The following IL2RB variants were observed in gnomAD, a reference collection of about 807,000 sequenced individuals.
IL2RB encodes the protein interleukin 2 receptor subunit beta, also known as interleukin-2 receptor subunit beta.
In IL2RB, 17 loss-of-function variants were observed where a neutral mutation model predicts 44.2. The observed-to-expected ratio is 0.38, with a 90% CI of 0.26 to 0.58. The LOEUF (loss-of-function observed/expected upper bound fraction) is 0.58, where lower values mean the gene tolerates loss of function less well. IL2RB is among the 20% of genes least tolerant of loss of function. IL2RB has a pLI of 0.63. For synonymous variants in IL2RB, 286 were observed against 297.9 expected (o/e 0.96, Z 0.41); for missense variants, 624 against 685.5 (o/e 0.91, Z 1.00).
At chr22:37,168,763 G>A (rs1218170534) in intron 1 of IL2RB, among the ~76,000 whole-genome samples, 1 of 152,226 alleles carries the variant, frequency 6.6e-6, no homozygotes, top group Non-Finnish European at 1.5e-5. Context: ...CCAAGGCACA[G>A]ACTAGGTGGC....
At chr22:37,157,565 G>A (rs1458154382) in intron 1 of IL2RB, among the ~76,000 whole-genome samples, 1 of 152,162 alleles carries the variant, frequency 6.6e-6, no homozygotes, top group Non-Finnish European at 1.5e-5. Context: ...GACTGAGGGG[G>A]GTTTCCAGAA....
rs1569043402 is a variant in IL2RB at position 37,136,383 on chromosome 22, A to C, written c.548T>G (p.Leu183Arg). Residue 183 changes from leucine to arginine, a missense_variant, in exon 7 of 10, where the codon CTG becomes CGG. Around this residue, in one of 3 missense-constraint regions of IL2RB, gnomAD observed 255 missense variants for 339.9 expected, o/e 0.75. Coordinates refer to ENST00000216223, the MANE Select transcript of IL2RB (RefSeq NM_000878.5). ...SPGHTWEEAP[L>R]LTLKQKQEWI... ...TTCCTGCTTCTGCTTGAGAGTCAGC[A>C]GGGGGGCCTCCTGGGTCGGAGACAG... 3 of 1,609,590 alleles carry C rather than the reference A, an allele frequency of 1.9e-6. No individual in the cohort carries two copies. The highest frequency in any genetic ancestry group is 1.1e-5 in the South Asian group (1 of 90,296).
rs1245550116 is a variant in IL2RB at position 37,142,462 on chromosome 22, G to T, written c.254C>A (p.Ala85Asp). 1 of 1,614,150 alleles carries T rather than the reference G, an allele frequency of 6.2e-7. No individual in the cohort carries two copies. Among genetic ancestry groups the T allele is most frequent in the Non-Finnish European group, 8.5e-7 (1 of 1,179,970 alleles). Residue 85 changes from alanine to aspartate, a missense_variant, in exon 4 of 10, where the codon GCC becomes GAC. Coordinates refer to ENST00000216223, the MANE Select transcript of IL2RB (RefSeq NM_000878.5). The stretch of plus-strand genomic sequence containing the variant: ...TGGGGCTCCGAGGATCAGGTTGCAG[G>T]CCCAGGATGCTTGACTCACGGGGAG... ...ELLPVSQASW[A>D]CNLILGAPDS...
intron 1 of IL2RB, among the ~76,000 whole-genome samples, chr22:37,147,418 A>C (rs1922278112): frequency 2.0e-5 from 3 of 152,244 alleles, no homozygotes. Flanking sequence ...ACACGACAGT[A>C]AATATGCACT....
chr22:37,172,215 T>TAAAA (rs63579164), intron 1 of IL2RB, among the ~76,000 whole-genome samples: 3,900 of 104,366 alleles, frequency 0.037, 208 homozygotes, highest in African/African-American at 0.12. Context: ...AAAGGTAAAG[T>TAAAA]AAAAAAAAAA....
intron 1 of IL2RB, among the ~76,000 whole-genome samples, chr22:37,162,339 C>T (rs1452109633): frequency 6.6e-6 from 1 of 152,146 alleles, no homozygotes; most frequent in Non-Finnish European, 1.5e-5. Context: ...TAAAAACCTC[C>T]TCTGCCTAAT....
chr22:37,137,761 A>G, intron 5 of IL2RB, 26 bp from the exon 6 acceptor site: 1 of 1,606,542 alleles, frequency 6.2e-7, no homozygotes, highest in South Asian at 1.1e-5. Flanking sequence ...GGTAGGGGAG[A>G]GCAGTCAGCC....
rs77540048 is a variant in IL2RB at position 37,129,004 on chromosome 22, C to T, written c.904-156G>A. On this transcript the variant is annotated intron_variant, in intron 9 of 9. Coordinates refer to ENST00000216223, the MANE Select transcript of IL2RB (RefSeq NM_000878.5). ...AGCTCTCCCTGATTATAGCCCCGCA[C>T]TCCCCCAACCCACCCACTGGCTTGG... Among the ~76,000 whole-genome samples the T allele has an allele frequency of 7.8e-4, 119 of 152,324 alleles. 2 individuals are homozygous for T. In the East Asian group the frequency reaches 0.019, roughly 24 times the overall value.
chr22:37,129,709 A>C (rs1921325971), intron 9 of IL2RB, among the ~76,000 whole-genome samples: 1 of 152,194 alleles, frequency 6.6e-6, no homozygotes, highest in Admixed American at 6.5e-5. Flanking sequence ...TCAGGTAAGC[A>C]AATGGAGATG....
At chr22:37,155,319 C>T (rs577930051) in intron 1 of IL2RB, among the ~76,000 whole-genome samples, 1 of 152,338 alleles carries the variant, frequency 6.6e-6, no homozygotes, top group African/African-American at 2.4e-5. Flanking sequence ...GTTCTCCACT[C>T]AGCGGCCAGA....
At position 37,135,337 on chromosome 22, in the gene IL2RB, G is replaced by C; in HGVS notation, c.809C>G (p.Thr270Ser). ...AGGAGAACCTTCTTACCATGGCCCG[G>C]TGTTCCTGCAGTTGATCAGCAAGTA... ...LVYLLINCRN[T>S]GPWLKKVLKC... The change falls in exon 8 of 10, where the codon ACC (threonine) becomes AGC (serine). Residue 270 changes from threonine to serine, a missense_variant. By Grantham distance (58) the Thr-to-Ser change is moderately conservative (BLOSUM62 1). This residue lies in a region of IL2RB where 255 missense variants were observed against 339.9 expected (regional missense o/e 0.75). Transcript: ENST00000216223. The C allele has an allele frequency of 2.5e-6, 4 of 1,612,898 alleles. No homozygotes were observed. Among genetic ancestry groups the C allele is most frequent in the Non-Finnish European group, 3.4e-6 (4 of 1,178,936 alleles).
intron 4 of IL2RB, among the ~76,000 whole-genome samples, chr22:37,139,957 G>A (rs139562283): frequency 7.9e-4 from 121 of 152,326 alleles, no homozygotes; most frequent in African/African-American, 2.8e-3. Context: ...CTGCATCTCC[G>A]AGTCCTGGCT....
At chr22:37,151,606 T>G (rs6000583), upstream of IL2RB, among the ~76,000 whole-genome samples, 5,869 of 152,304 alleles carry the variant, frequency 0.039, 361 homozygotes, top group African/African-American at 0.13. Context: ...TTGCATGTGC[T>G]GGTGGGGTAT....
At chr22:37,157,564 G>T (rs1922723302) in intron 1 of IL2RB, among the ~76,000 whole-genome samples, 3 of 152,176 alleles carry the variant, frequency 2.0e-5, no homozygotes, top group Non-Finnish European at 4.4e-5. Flanking sequence ...GGACTGAGGG[G>T]GGTTTCCAGA....
chr22:37,158,552 C>A (rs1178024504), intron 1 of IL2RB, among the ~76,000 whole-genome samples: 1 of 151,068 alleles, frequency 6.6e-6, no homozygotes, highest in East Asian at 2.0e-4. Flanking sequence ...AGCAAGACTC[C>A]GTCTAAAAAA....
chr22:37,135,696 C>G lies in IL2RB; in HGVS notation c.704-254G>C, dbSNP rs566451310. Among the ~76,000 whole-genome samples, 79 of 152,108 alleles carry G rather than the reference C, an allele frequency of 5.2e-4. 1 individual carries two copies. The highest frequency in any genetic ancestry group is 3.4e-3 in the Middle Eastern group (1 of 294). ...TGGGCCCCCCTGGTGAGCCTACAGC[C>G]CCCCACCACCCCCACAGCAGCCTGG... is the stretch of plus-strand genomic sequence containing the variant. On this transcript the variant is annotated intron_variant, in intron 7 of 9. Coordinates refer to ENST00000216223, the MANE Select transcript of IL2RB (RefSeq NM_000878.5).
At position 37,128,854 on chromosome 22, in the gene IL2RB, G is replaced by A. The variant is rs1921278002; in HGVS notation, c.904-6C>T. Reference sequence around the variant, plus strand: ...AAGGGCGAAGAGAGCCACTTCTGGTGGGAGAAAGGCCAGGGGTGGGTGAGT... The same window carrying A: ...AAGGGCGAAGAGAGCCACTTCTGGTAGGAGAAAGGCCAGGGGTGGGTGAGT... On this transcript the variant is annotated splice_region_variant and splice_polypyrimidine_tract_variant and intron_variant, in intron 9 of 9. Transcript: ENST00000216223. This position sits in a 1 kb window ranked among gnomAD's most constrained non-coding sequence, Gnocchi z 4.5. 1 of 1,592,884 alleles carries A rather than the reference G, an allele frequency of 6.3e-7. No individual in the cohort carries two copies. Among genetic ancestry groups the A allele is most frequent in the Non-Finnish European group, 8.6e-7 (1 of 1,165,948 alleles).
chr22:37,133,142 G>C (rs1921514014), intron 8 of IL2RB, among the ~76,000 whole-genome samples: 2 of 152,228 alleles, frequency 1.3e-5, no homozygotes, highest in South Asian at 4.1e-4. Context: ...CCTCTGAAGA[G>C]TGTTAAACAG....
chr22:37,144,357 T>C lies in IL2RB; in HGVS notation c.-33-152A>G, dbSNP rs561322714. 2.6e-5 allele frequency among the ~76,000 whole-genome samples: 4 copies of C among 152,346 alleles called. No individual in the cohort carries two copies. In the South Asian group the frequency reaches 8.3e-4, roughly 32 times the overall value. ...GCCCCAGGGCCTTTGCACCTGCTAATCCCACCACCCTACACATGCTCACAC... is the reference window on the plus strand; with the variant it reads ...GCCCCAGGGCCTTTGCACCTGCTAACCCCACCACCCTACACATGCTCACAC... On this transcript the variant is annotated intron_variant, in intron 1 of 9. Transcript: ENST00000216223.
Sources: allele counts gnomAD v4.1 joint callset (sites outside exome capture counted in the v4.1 genomes callset), GRCh38; gene constraint gnomAD v4.1.1; regional missense constraint gnomAD v4.1.1; non-coding constraint Gnocchi (gnomAD v3.1); transcripts MANE v1.5; gene names NCBI Gene and HGNC (gene_info 2026-07-23, HGNC 2026-07-21).